Variants in LARP4B observed in about 807,000 individuals in gnomAD.
LARP4B encodes La ribonucleoprotein 4B, also known as la-related protein 4B.
A neutral mutation model predicts 89.8 loss-of-function variants in LARP4B; 12 were observed. The observed-to-expected ratio is 0.13, with a 90% CI of 0.09 to 0.22. The LOEUF is 0.22. LARP4B is among the 10% of genes least tolerant of loss of function. The pLI, the probability that LARP4B is intolerant of heterozygous loss-of-function variation, is 1.00. For synonymous variants in LARP4B, 367 were observed against 363.3 expected (o/e 1.01, Z -0.12); for missense variants, 757 against 947.7 (o/e 0.80, Z 2.64).
In LARP4B at chr10:919,519, C is replaced by T. The variant is rs74116995; in HGVS notation, c.-40+11909G>A. ...GGGGGGAAAAAAGGGAGGGGGCTTT[C>T]AATCCTCTGAATTACAAGTCCAATA... On this transcript the variant is annotated intron_variant, in intron 1 of 17. Transcript: ENST00000316157. Among the ~76,000 whole-genome samples, 429 of 152,278 alleles carry T rather than the reference C, an allele frequency of 2.8e-3. 5 individuals carry two copies. The highest frequency in any genetic ancestry group is 1.0e-2 in the African/African-American group (415 of 41,550).
chr10:898,773 C>T (rs1308426938), intron 1 of LARP4B, among the ~76,000 whole-genome samples: 1 of 152,196 alleles, frequency 6.6e-6, no homozygotes, highest in African/African-American at 2.4e-5. Flanking sequence ...AAACTTAATT[C>T]TGTTAATTAG....
intron 8 of LARP4B, among the ~76,000 whole-genome samples, chr10:835,218 C>T (rs1421150864): frequency 6.6e-6 from 1 of 152,150 alleles, no homozygotes; most frequent in Admixed American, 6.6e-5. Context: ...GACCATACTT[C>T]TATGAGAGTA....
At chr10:974,804 G>A in the LARP4B span, among the ~76,000 whole-genome samples, 124 of 152,356 alleles carry the variant, frequency 8.1e-4, no homozygotes, top group African/African-American at 2.6e-3. Flanking sequence ...ACAGCTTCAC[G>A]CTCATCGAAA....
chr10:841,510 A>T (rs575056849), intron 7 of LARP4B, among the ~76,000 whole-genome samples: 1 of 152,224 alleles, frequency 6.6e-6, no homozygotes, highest in African/African-American at 2.4e-5. Flanking sequence ...TAATATCCTC[A>T]TGGTTGGTGG....
chr10:904,228 G>C (rs369816238), intron 1 of LARP4B, among the ~76,000 whole-genome samples: 2 of 152,060 alleles, frequency 1.3e-5, no homozygotes, highest in East Asian at 3.9e-4. Flanking sequence ...AAACCAATAT[G>C]GGCAGCATAG....
At chr10:927,250 A>G (rs1432767362) in intron 1 of LARP4B, among the ~76,000 whole-genome samples, 1 of 152,124 alleles carries the variant, frequency 6.6e-6, no homozygotes, top group East Asian at 1.9e-4. Context: ...TTATAAAGGC[A>G]TTGAAGGGAC....
At chr10:976,657 T>C in the LARP4B span, among the ~76,000 whole-genome samples, 4 of 150,218 alleles carry the variant, frequency 2.7e-5, no homozygotes, top group African/African-American at 9.9e-5. Flanking sequence ...CCCTGCCTAG[T>C]AGAATGTAGG....
At chr10:834,627 G>T (rs963896081) in intron 8 of LARP4B, among the ~76,000 whole-genome samples, 4 of 152,054 alleles carry the variant, frequency 2.6e-5, no homozygotes, top group Middle Eastern at 3.2e-3. Context: ...ATTTATCAAA[G>T]AGTTTCCTTT....
At chr10:984,761 A>G in the LARP4B span, among the ~76,000 whole-genome samples, 2 of 152,052 alleles carry the variant, frequency 1.3e-5, no homozygotes, top group African/African-American at 2.4e-5. Context: ...CCCCTCTACT[A>G]AAAAATACAA....
In LARP4B at chr10:814,778, G is replaced by A. The variant is rs751386423; in HGVS notation, c.1893C>T (p.Thr631=). 17 of 1,603,800 alleles carry A rather than the reference G, an allele frequency of 1.1e-5. No homozygotes were observed. The East Asian group carries it at 1.4e-4, about 13-fold the overall frequency. Reference sequence around the variant, plus strand: ...CGTTCACCTGCACCGATTTACACGCGGTCGCAGTGAGGGCGGAAGGAAGTC... The same window carrying A: ...CGTTCACCTGCACCGATTTACACGCAGTCGCAGTGAGGGCGGAAGGAAGTC... ...VDRLPSALTA[T]ACKSVQVNGA... The change falls in exon 17 of 18, where the codon ACC becomes ACT. Residue 631 remains threonine, a synonymous_variant. Coordinates refer to ENST00000316157, the MANE Select transcript of LARP4B (RefSeq NM_015155.3). The surrounding 1 kb of genome is among the most constrained non-coding windows in gnomAD (Gnocchi z 4.4).
intron 1 of LARP4B, among the ~76,000 whole-genome samples, chr10:903,675 A>G (rs886649840): frequency 6.6e-6 from 1 of 152,196 alleles, no homozygotes; most frequent in African/African-American, 2.4e-5. Context: ...ATGGGTGGAA[A>G]AGGTCTCTCT....
the LARP4B span, among the ~76,000 whole-genome samples, chr10:956,153 G>A: frequency 6.6e-6 from 1 of 152,040 alleles, no homozygotes; most frequent in Non-Finnish European, 1.5e-5. The surrounding 1 kb of genome is among the most constrained non-coding windows in gnomAD (Gnocchi z 4.3). Context: ...ATGACTCCAC[G>A]AACCCTGACA....
rs1302843034 is a variant in LARP4B, at chr10:822,713, G to A, written c.1485-1868C>T. On this transcript the variant is annotated intron_variant, in intron 13 of 17. Transcript: ENST00000316157. This position sits in a 1 kb window ranked among gnomAD's most constrained non-coding sequence, Gnocchi z 4.6. ...CCAGCACCATAGAGGAAACATCACT[G>A]TGACACCCGCGACTCTGAATGCAGT... 6.6e-6 allele frequency among the ~76,000 whole-genome samples: 1 copy of A among 152,226 alleles called. No individual in the cohort carries two copies. The highest frequency in any genetic ancestry group is 2.4e-5 in the African/African-American group (1 of 41,458).
chr10:843,634 G>A (rs1469982224), intron 6 of LARP4B, among the ~76,000 whole-genome samples: 1 of 152,156 alleles, frequency 6.6e-6, no homozygotes, highest in African/African-American at 2.4e-5. Flanking sequence ...GAGAGGTGGA[G>A]GTTACAGTGA....
rs889379904 is a variant in LARP4B at position 812,177 on chromosome 10, A to G, written c.*749T>C. 1.3e-5 allele frequency: 2 copies of G among 152,712 alleles called. No homozygotes were observed. Among genetic ancestry groups the G allele is most frequent in the African/African-American group, 4.8e-5 (2 of 41,476 alleles). The allele number at this position is 152,712 out of a possible 1,614,324, so 9.5% of individuals were successfully genotyped here. On this transcript the variant is annotated 3_prime_UTR_variant, in exon 18 of 18. Coordinates refer to ENST00000316157, the MANE Select transcript of LARP4B (RefSeq NM_015155.3). ...ACTTCTGGTAACATGTCAGTGGGCA[A>G]CAAAGTGTATGTTTTCATGTAGGTT...
the LARP4B span, chr10:971,852 T>C: frequency 1.3e-5 from 2 of 153,764 alleles, no homozygotes; most frequent in South Asian, 2.1e-4. Context: ...AGTCTGCTAG[T>C]GCCCCGGAGT....
intron 1 of LARP4B, among the ~76,000 whole-genome samples, chr10:912,700 C>T (rs964024845): frequency 8.1e-6 from 1 of 123,232 alleles, no homozygotes; most frequent in South Asian, 2.5e-4. Flanking sequence ...GGAGAAACCT[C>T]GTCTTGACAA....
the LARP4B span, among the ~76,000 whole-genome samples, chr10:976,528 G>GA: frequency 1.3e-5 from 2 of 149,192 alleles, no homozygotes; most frequent in Admixed American, 6.7e-5. Context: ...GTAATGTGCG[G>GA]CCCGGCCTAG....
chr10:895,420 G>A (rs564715530), intron 1 of LARP4B, among the ~76,000 whole-genome samples: 8 of 151,152 alleles, frequency 5.3e-5, no homozygotes, highest in South Asian at 2.1e-4. Context: ...AAATAAAAAC[G>A]CAGAAAGTAG....
Sources: gnomAD v4.1 joint callset for allele counts (sites outside exome capture counted in the v4.1 genomes callset) on GRCh38, gnomAD v4.1.1 for gene constraint, Gnocchi (gnomAD v3.1) non-coding constraint, MANE v1.5 for transcripts, NCBI Gene and HGNC (gene_info 2026-07-23, HGNC 2026-07-21) for gene names.